The following KIF1C variants were observed in gnomAD, a reference collection of about 807,000 sequenced individuals.
KIF1C encodes the protein kinesin-like protein KIF1C.
KIF1C carries 61 observed loss-of-function variants against 126.5 expected under a neutral mutation model. The observed-to-expected ratio is 0.48, with a 90% CI of 0.39 to 0.60. The LOEUF (loss-of-function observed/expected upper bound fraction) is 0.60, where lower values mean the gene tolerates loss of function less well. KIF1C is among the 20% of genes least tolerant of loss of function. The probability of loss-of-function intolerance (pLI) is 0.00; values close to 1 mark genes in which losing one functional copy is unlikely to be tolerated. For synonymous variants in KIF1C, 640 were observed against 580.6 expected, an observed-to-expected ratio of 1.10 and a Z score of -1.47; for missense variants, 1,315 against 1,489.2, an observed-to-expected ratio of 0.88 and a Z score of 1.93.
At chr17:5,003,142 T>C (rs1320751188) in intron 8 of KIF1C, among the ~76,000 whole-genome samples, 1 of 151,988 alleles carries the variant, frequency 6.6e-6, no homozygotes, top group East Asian at 1.9e-4. Flanking sequence ...CCTCCCGGGT[T>C]CAAGTGATTC....
At chr17:5,007,895 G>A (rs1473778362) in intron 16 of KIF1C, among the ~76,000 whole-genome samples, 1 of 152,202 alleles carries the variant, frequency 6.6e-6, no homozygotes, top group Non-Finnish European at 1.5e-5. Flanking sequence ...GGGAAGACAA[G>A]ACTAAAGGGA....
Position 5,003,900 on chromosome 17 carries a change from C to T in KIF1C, c.848C>T (p.Ser283Leu), listed in dbSNP as rs1185527775. ...CTGACTACACTAGGGAAAGTGATCT[C>T]GGCCCTTGCAGATATGGTGAGACCT... The part of the protein sequence containing the change: ...KSLTTLGKVI[S>L]ALADMQSKKR... The change falls in exon 10 of 23, where the codon TCG becomes TTG. Residue 283 changes from serine (S) to leucine (L), a missense_variant. Around this residue, in one of 2 missense-constraint regions of KIF1C, gnomAD observed 874 missense variants for 1,053.2 expected, o/e 0.83. Transcript: ENST00000320785. 3.1e-6 allele frequency: 5 copies of T among 1,613,950 alleles called. No homozygotes were observed. Among genetic ancestry groups the T allele is most frequent in the South Asian group, 1.1e-5 (1 of 91,076 alleles).
In KIF1C at chr17:5,020,689, G is replaced by C. The variant is rs346826; in HGVS notation, c.1937+11G>C. The C allele has an allele frequency of 1.2e-6, 2 of 1,612,406 alleles. No homozygotes were observed. The highest frequency in any genetic ancestry group is 1.7e-6 in the Non-Finnish European group (2 of 1,178,770). ...GGAAATGGAGAAGAGGTGCGAGGGG[G>C]TTACCCACGTGCCCCATGGCCGTCT... On this transcript the variant is annotated intron_variant, in intron 20 of 22. Transcript: ENST00000320785. This position sits in a 1 kb window ranked among gnomAD's most constrained non-coding sequence, Gnocchi z 5.8.
chr17:5,024,232 G>C lies in KIF1C; in HGVS notation c.*81G>C. 9.6e-7 allele frequency: 1 copy of C among 1,046,886 alleles called. No homozygotes were observed. Among genetic ancestry groups the C allele is most frequent in the Non-Finnish European group, 1.4e-6 (1 of 712,914 alleles). 64.8% of individuals were successfully genotyped at this position (1,046,886 alleles called of 1,614,324 possible). On this transcript the variant is annotated 3_prime_UTR_variant, in exon 23 of 23. Coordinates refer to ENST00000320785, the MANE Select transcript of KIF1C (RefSeq NM_006612.6). Reference sequence around the variant, plus strand: ...CGCCCGAGACGCTGCTTCCCCAGAAGTGCTGGGGCAGGGAGGCCCAGGAGA... The same window carrying C: ...CGCCCGAGACGCTGCTTCCCCAGAACTGCTGGGGCAGGGAGGCCCAGGAGA...
chr17:5,009,129 ACT>A (rs1244987105), intron 16 of KIF1C, among the ~76,000 whole-genome samples: 3 of 150,336 alleles, frequency 2.0e-5, no homozygotes, highest in African/African-American at 7.3e-5. Flanking sequence ...AAAAAAAGTA[ACT>A]CTCCATCCTT....
chr17:5,004,135 T>G (rs1974671363), intron 11 of KIF1C, 62 bp downstream of exon 11: 1 of 1,159,798 alleles, frequency 8.6e-7, no homozygotes. Flanking sequence ...TTTTGATACA[T>G]CTGACAAATC....
intron 3 of KIF1C, among the ~76,000 whole-genome samples, 159 bp downstream of exon 3, chr17:5,000,511 G>A (rs1974557709): frequency 6.6e-6 from 1 of 152,064 alleles, no homozygotes; most frequent in African/African-American, 2.4e-5. Flanking sequence ...CCTTTCCCGT[G>A]TTCCCAGTCC....
At chr17:5,004,354 A>G (rs963371906) in intron 11 of KIF1C, among the ~76,000 whole-genome samples, 1 of 151,740 alleles carries the variant, frequency 6.6e-6, no homozygotes, top group African/African-American at 2.4e-5. Context: ...TCCCCCTTCC[A>G]TGGTTCTGTG....
chr17:5,022,780 T>TGGA lies in KIF1C; in HGVS notation c.2628+71_2628+72insGGA. On this transcript the variant is annotated intron_variant, in intron 22 of 22. Coordinates refer to ENST00000320785, the MANE Select transcript of KIF1C (RefSeq NM_006612.6). The surrounding 1 kb of genome is among the most constrained non-coding windows in gnomAD (Gnocchi z 4.9). ...ACTTTAGGAGTCTGAACCTTCCATC[T>TGGA]CAGAGCCTAACCTTCCCCAAGTCTG... 5 of 1,419,250 alleles carry TGGA rather than the reference T, an allele frequency of 3.5e-6. No individual in the cohort carries two copies. The highest frequency in any genetic ancestry group is 4.6e-6 in the Non-Finnish European group (5 of 1,090,886). The allele number at this position is 1,419,250 out of a possible 1,614,324, so 87.9% of individuals were successfully genotyped here. A position where few individuals can be genotyped will look rare whatever the true frequency, so the allele number is the denominator to read the frequency against.
intron 13 of KIF1C, 104 bp downstream of exon 13, chr17:5,005,104 A>G: frequency 7.1e-7 from 1 of 1,410,942 alleles, no homozygotes; most frequent in Non-Finnish European, 9.8e-7. Context: ...ACCACACACT[A>G]TGAAACCTTT....
At chr17:5,011,878 C>G (rs1204990270) in intron 16 of KIF1C, 2 of 152,326 alleles carry the variant, frequency 1.3e-5, no homozygotes, top group African/African-American at 2.4e-5. Context: ...TTGTGCATGT[C>G]CACGCCCTCC....
At position 5,027,139 on chromosome 17, in the gene KIF1C, TA is replaced by T. The variant is rs1279984461; in HGVS notation, c.*2989del. 6.6e-6 allele frequency: 1 copy of T among 152,224 alleles called. No homozygotes were observed. Among genetic ancestry groups the T allele is most frequent in the Non-Finnish European group, 1.5e-5 (1 of 68,042 alleles). The allele number at this position is 152,224 out of a possible 1,614,324, so 9.4% of individuals were successfully genotyped here. ...TTTTGTTTATTTATTTTTATTTATT[TA>T]TTTTTTGAGACGGAGTCTCGCTCTG... On this transcript the variant is annotated 3_prime_UTR_variant, in exon 23 of 23. Coordinates refer to ENST00000320785, the MANE Select transcript of KIF1C (RefSeq NM_006612.6).
intron 16 of KIF1C, among the ~76,000 whole-genome samples, chr17:5,009,413 C>T (rs567869818): frequency 1.3e-5 from 2 of 152,028 alleles, no homozygotes; most frequent in African/African-American, 4.8e-5. Flanking sequence ...CTTCTGACCT[C>T]GTGATCCACC....
In KIF1C at chr17:5,020,949, C is replaced by A; in HGVS notation, c.2010+71C>A. ...CGCAAGCCTGAGTCCGAGTGCAGTG[C>A]TCACCGCTGAGCCAGAGTGGGAAAT... On this transcript the variant is annotated intron_variant, in intron 21 of 22. Coordinates refer to ENST00000320785, the MANE Select transcript of KIF1C (RefSeq NM_006612.6). This position sits in a 1 kb window ranked among gnomAD's most constrained non-coding sequence, Gnocchi z 5.8. 1 of 1,361,056 alleles carries A rather than the reference C, an allele frequency of 7.3e-7. No homozygotes were observed. Among genetic ancestry groups the A allele is most frequent in the Non-Finnish European group, 1.0e-6 (1 of 974,736 alleles). 84.3% of individuals were successfully genotyped at this position (1,361,056 alleles called of 1,614,324 possible).
intron 13 of KIF1C, 54 bp from the exon 14 acceptor site, chr17:5,006,861 T>G: frequency 6.3e-7 from 1 of 1,578,962 alleles, no homozygotes; most frequent in Admixed American, 1.7e-5. Context: ...TGGATGTCTC[T>G]CATCAGCTCC....
In KIF1C at chr17:5,000,309, C is replaced by G. The variant is rs1392900029; in HGVS notation, c.63C>G (p.Ser21Arg). Residue 21 changes from serine to arginine, a missense_variant, in exon 3 of 23, where the codon AGC (serine) becomes AGG (arginine). Ser to Arg is a moderately radical substitution (Grantham distance 110, BLOSUM62 -1). Around this residue, in one of 2 missense-constraint regions of KIF1C, gnomAD observed 874 missense variants for 1,053.2 expected, o/e 0.83. Transcript: ENST00000320785. ...RVRPFNARETSQDAKCVVSMQ... is the reference protein window; with the variant it reads ...RVRPFNARETRQDAKCVVSMQ... ...GGCCCTTTAACGCCCGTGAGACCAG[C>G]CAGGATGCCAAGTGTGTGGTCAGCA... The G allele has an allele frequency of 1.1e-5, 17 of 1,594,094 alleles. No homozygotes were observed. The highest frequency in any genetic ancestry group is 2.0e-4 in the Middle Eastern group (1 of 5,072).
chr17:5,004,985 G>A lies in KIF1C; in HGVS notation c.1150G>A (p.Ala384Thr). ...ACTGCTGATGGCTCAGGGACTGTCA[G>A]CCTCTGCTCTGGAAGGTCGAGGTTC... ...RELLMAQGLS[A>T]SALEGLKTEE... The change falls in exon 13 of 23, where the codon GCC becomes ACC. Residue 384 changes from alanine to threonine, a missense_variant. Physicochemically the swap from Ala to Thr is moderately conservative, Grantham distance 58. Around this residue, in one of 2 missense-constraint regions of KIF1C, gnomAD observed 874 missense variants for 1,053.2 expected, o/e 0.83. Coordinates refer to ENST00000320785, the MANE Select transcript of KIF1C (RefSeq NM_006612.6). 6.2e-7 allele frequency: 1 copy of A among 1,614,250 alleles called. No homozygotes were observed. The highest frequency in any genetic ancestry group is 8.5e-7 in the Non-Finnish European group (1 of 1,180,038).
At chr17:5,014,526 G>A (rs770436449) in intron 17 of KIF1C, among the ~76,000 whole-genome samples, 1 of 152,140 alleles carries the variant, frequency 6.6e-6, no homozygotes, top group Non-Finnish European at 1.5e-5. Context: ...TAAGAGCATG[G>A]CTTCAGAGTC....
intron 21 of KIF1C, among the ~76,000 whole-genome samples, chr17:5,021,213 C>G (rs1411868492): frequency 2.3e-5 from 3 of 132,840 alleles, no homozygotes; most frequent in Non-Finnish European, 4.7e-5. Context: ...TCTCCTGTCA[C>G]CCAGGCTGGA....
Sources: gnomAD v4.1 joint callset for allele counts (sites outside exome capture counted in the v4.1 genomes callset) on GRCh38, gnomAD v4.1.1 for gene constraint, gnomAD v4.1.1 regional missense constraint, Gnocchi (gnomAD v3.1) non-coding constraint, MANE v1.5 for transcripts, NCBI Gene and HGNC (gene_info 2026-07-23, HGNC 2026-07-21) for gene names.